The following SLC17A1 variants were observed in gnomAD, a reference collection of about 807,000 sequenced individuals.
SLC17A1 encodes sodium-dependent phosphate transport protein 1.
In SLC17A1, 51 loss-of-function variants were observed where a neutral mutation model predicts 53.5. That is an observed-to-expected ratio of 0.95 (90% CI 0.76 to 1.20). The LOEUF (loss-of-function observed/expected upper bound fraction) is 1.20. Ranked by LOEUF, SLC17A1 falls within the 50% of genes most tolerant of loss-of-function variation. The pLI, the probability that SLC17A1 is intolerant of heterozygous loss-of-function variation, is 0.00. For synonymous variants in SLC17A1, 179 were observed against 198.8 expected (o/e 0.90, Z 0.84); for missense variants, 538 against 568.2 (o/e 0.95, Z 0.54).
At chr6:25,830,701 A>G (rs1228631503) in intron 1 of SLC17A1, 94 bp from the exon 2 acceptor site, 5 of 714,360 alleles carry the variant, frequency 7.0e-6, no homozygotes, top group Non-Finnish European at 1.2e-5. Context: ...AACCGCTTCC[A>G]AGGATAACTT....
chr6:25,737,648 T>C, the SLC17A1 span, among the ~76,000 whole-genome samples: 1 of 152,072 alleles, frequency 6.6e-6, no homozygotes, highest in Non-Finnish European at 1.5e-5. Flanking sequence ...TATATGACCA[T>C]CATATGGCAC....
At chr6:25,739,037 T>C in the SLC17A1 span, among the ~76,000 whole-genome samples, 2 of 152,162 alleles carry the variant, frequency 1.3e-5, no homozygotes, top group African/African-American at 4.8e-5. Context: ...TATGGAACAT[T>C]CATCCCAGAG....
chr6:25,769,579 A>G, the SLC17A1 span, among the ~76,000 whole-genome samples: 1 of 151,948 alleles, frequency 6.6e-6, no homozygotes, highest in Non-Finnish European at 1.5e-5. Flanking sequence ...AAAGAAAGAA[A>G]GAAAGAAAAG....
the SLC17A1 span, chr6:25,777,062 G>C: frequency 7.8e-7 from 1 of 1,290,268 alleles, no homozygotes. Context: ...ACAACAGGTT[G>C]CAGGAAATGT....
At chr6:25,802,247 C>A (rs1763801861) in intron 10 of SLC17A1, among the ~76,000 whole-genome samples, 1 of 152,152 alleles carries the variant, frequency 6.6e-6, no homozygotes, top group Non-Finnish European at 1.5e-5. Flanking sequence ...AAAAGATTTT[C>A]ATGAGTTCCT....
At chr6:25,726,024 C>T in the SLC17A1 span, 9 of 973,038 alleles carry the variant, frequency 9.2e-6, no homozygotes, top group Non-Finnish European at 1.2e-5. Context: ...TGGTTAACAG[C>T]AGTAACGTTT....
intron 2 of SLC17A1, among the ~76,000 whole-genome samples, chr6:25,828,978 A>T (rs1348358700): frequency 6.6e-6 from 1 of 152,192 alleles, no homozygotes; most frequent in Non-Finnish European, 1.5e-5. Context: ...TGGCCAACTG[A>T]GCTTCCGTTG....
chr6:25,775,118 T>C, the SLC17A1 span, among the ~76,000 whole-genome samples: 10 of 152,006 alleles, frequency 6.6e-5, no homozygotes, highest in African/African-American at 2.4e-4. Flanking sequence ...TCATCTGAGG[T>C]CAGGTGTTTG....
At chr6:25,823,171 T>G (rs1764623157) in intron 3 of SLC17A1, among the ~76,000 whole-genome samples, 1 of 152,176 alleles carries the variant, frequency 6.6e-6, no homozygotes, top group Admixed American at 6.5e-5. Flanking sequence ...CTCCATTTTA[T>G]GGATGTGCCA....
intron 10 of SLC17A1, among the ~76,000 whole-genome samples, chr6:25,802,935 C>CTTT (rs34669145): frequency 0.021 from 965 of 46,162 alleles, 76 homozygotes; most frequent in Non-Finnish European, 0.028. Context: ...CTATCTTCTT[C>CTTT]TTTTTTTTTT....
intron 2 of SLC17A1, among the ~76,000 whole-genome samples, chr6:25,828,335 A>G (rs1764825967): frequency 6.6e-6 from 1 of 152,156 alleles, no homozygotes; most frequent in African/African-American, 2.4e-5. Context: ...AACAGGGGCC[A>G]GGGAGCTTGG....
At chr6:25,763,365 G>C in the SLC17A1 span, among the ~76,000 whole-genome samples, 2 of 152,238 alleles carry the variant, frequency 1.3e-5, no homozygotes, top group East Asian at 3.9e-4. Flanking sequence ...ACTCCTCCAA[G>C]CCTTACCAAG....
In SLC17A1 at chr6:25,802,932, CTTCT is replaced by C. The variant is rs1763825275; in HGVS notation, c.1179-1956_1179-1953del. Reference sequence around the variant, plus strand: ...TTTATGACGTTTTAACGACTATCTTCTTCTTTTTTTTTTTTTTTTTTTTTTTTTT... The same window carrying C: ...TTTATGACGTTTTAACGACTATCTTCTTTTTTTTTTTTTTTTTTTTTTTTT... On this transcript the variant is annotated intron_variant, in intron 10 of 12. Transcript: ENST00000244527. Among the ~76,000 whole-genome samples, 5 of 91,160 alleles carry C rather than the reference CTTCT, an allele frequency of 5.5e-5. No homozygotes were observed. In the South Asian group the frequency reaches 1.4e-3, roughly 26 times the overall value. 59.8% of individuals were successfully genotyped at this position (91,160 alleles called of 152,430 possible).
chr6:25,754,339 C>A, the SLC17A1 span, among the ~76,000 whole-genome samples: 3 of 152,140 alleles, frequency 2.0e-5, no homozygotes, highest in Admixed American at 6.5e-5. Flanking sequence ...TGTATTAAGT[C>A]TCTCCTCTTT....
intron 3 of SLC17A1, among the ~76,000 whole-genome samples, chr6:25,821,964 T>A (rs1231943932): frequency 6.6e-6 from 1 of 152,124 alleles, no homozygotes; most frequent in Non-Finnish European, 1.5e-5. Context: ...AAATGATCAA[T>A]AAACATAGGT....
intron 10 of SLC17A1, among the ~76,000 whole-genome samples, chr6:25,804,430 T>C (rs934218504): frequency 1.3e-5 from 2 of 152,050 alleles, no homozygotes; most frequent in African/African-American, 2.4e-5. Flanking sequence ...TGCACCAGAA[T>C]AGAATCTCTT....
intron 12 of SLC17A1, among the ~76,000 whole-genome samples, chr6:25,787,884 G>A (rs968469688): frequency 6.6e-6 from 1 of 152,096 alleles, no homozygotes. Flanking sequence ...GAGTCCTTGG[G>A]GGAAAAGGAG....
chr6:25,823,362 G>A (rs541244197), intron 3 of SLC17A1, among the ~76,000 whole-genome samples: 17 of 152,188 alleles, frequency 1.1e-4, no homozygotes, highest in Admixed American at 2.0e-4. Flanking sequence ...TCATATGGTA[G>A]GCATATGCTT....
Position 25,814,722 on chromosome 6 carries a change from G to A in SLC17A1, c.617-1509C>T, listed in dbSNP as rs555188781. Among the ~76,000 whole-genome samples, 12 of 152,248 alleles carry A rather than the reference G, an allele frequency of 7.9e-5. No homozygotes were observed. In the South Asian group the frequency reaches 1.2e-3, roughly 16 times the overall value. On this transcript the variant is annotated intron_variant, in intron 6 of 12. Coordinates refer to ENST00000244527, the MANE Select transcript of SLC17A1 (RefSeq NM_005074.5). The stretch of plus-strand genomic sequence containing the variant: ...GAATGGGCTGGGCATGGTGGCTCAC[G>A]CCTGTAATCCCAGCACTTTGGAAGG...
Sources: gnomAD v4.1 joint callset for allele counts (sites outside exome capture counted in the v4.1 genomes callset) on GRCh38, gnomAD v4.1.1 for gene constraint, MANE v1.5 for transcripts, NCBI Gene and HGNC (gene_info 2026-07-23, HGNC 2026-07-21) for gene names.